Variants in ANKFN1 observed in about 807,000 individuals in gnomAD.
The protein encoded by ANKFN1 is ankyrin repeat and fibronectin type III domain containing 1.
ANKFN1 carries 74 observed loss-of-function variants against 108.7 expected under a neutral mutation model. That is an observed-to-expected ratio of 0.68 (90% CI 0.56 to 0.83). The LOEUF is 0.83. Ranked by LOEUF, ANKFN1 falls within the 40% of genes least tolerant of loss-of-function variation. The probability of loss-of-function intolerance (pLI) is 0.00; values close to 1 mark genes in which losing one functional copy is unlikely to be tolerated. For missense variants in ANKFN1, 1,505 were observed against 1,382.3 expected, an observed-to-expected ratio of 1.09 and a Z score of -1.41; for synonymous variants, 547 against 516.2, an observed-to-expected ratio of 1.06 and a Z score of -0.81.
At chr17:56,429,248 C>A (rs1567994770) in intron 8 of ANKFN1, among the ~76,000 whole-genome samples, 2 of 152,114 alleles carry the variant, frequency 1.3e-5, no homozygotes, top group Non-Finnish European at 2.9e-5. Context: ...AAATCACTTA[C>A]TAAGTTTGAG....
At chr17:56,261,007 C>T (rs1173809164) in intron 3 of ANKFN1, among the ~76,000 whole-genome samples, 2 of 152,202 alleles carry the variant, frequency 1.3e-5, no homozygotes, top group Non-Finnish European at 2.9e-5. Flanking sequence ...GAACAGAGAT[C>T]GGAATCTGTC....
At chr17:56,350,540 T>C (rs1031395126) in intron 4 of ANKFN1, among the ~76,000 whole-genome samples, 1 of 152,146 alleles carries the variant, frequency 6.6e-6, no homozygotes, top group African/African-American at 2.4e-5. Flanking sequence ...TGTCGTTTCA[T>C]TCCTGCCACC....
At chr17:56,272,638 G>A (rs1225384806) in intron 3 of ANKFN1, among the ~76,000 whole-genome samples, 1 of 152,126 alleles carries the variant, frequency 6.6e-6, no homozygotes, top group Non-Finnish European at 1.5e-5. Flanking sequence ...CTATGAAGAT[G>A]GGTTGCTATG....
intron 4 of ANKFN1, among the ~76,000 whole-genome samples, chr17:56,337,280 C>T (rs1334090179): frequency 6.6e-6 from 1 of 152,082 alleles, no homozygotes; most frequent in Non-Finnish European, 1.5e-5. Context: ...TCCTTGTTAA[C>T]CTTCTGTCTC....
intron 4 of ANKFN1, among the ~76,000 whole-genome samples, chr17:56,340,486 T>G (rs2045932356): frequency 6.6e-6 from 1 of 151,966 alleles, no homozygotes; most frequent in Admixed American, 6.6e-5. Flanking sequence ...TTTTTATATA[T>G]GATGTAAGGA....
At chr17:56,154,681 T>C (rs1273813397) in intron 1 of ANKFN1, among the ~76,000 whole-genome samples, 1 of 151,974 alleles carries the variant, frequency 6.6e-6, no homozygotes, top group Non-Finnish European at 1.5e-5. Flanking sequence ...TACTATGTAT[T>C]CAAACTTTCA....
In ANKFN1 at chr17:56,410,882, G is replaced by A. The variant is rs796125016; in HGVS notation, c.911-29445G>A. Among the ~76,000 whole-genome samples the A allele has an allele frequency of 2.6e-5, 4 of 152,292 alleles. No homozygotes were observed. The South Asian group carries it at 8.3e-4, about 32-fold the overall frequency. On this transcript the variant is annotated intron_variant, in intron 8 of 20. Transcript: ENST00000682825. ...TTTCTATTCTGTTCCTTTGGTTGAT[G>A]TGTCTGTTTTTATGACAATACTATG... is the stretch of plus-strand genomic sequence containing the variant.
intron 11 of ANKFN1, among the ~76,000 whole-genome samples, chr17:56,454,859 C>T (rs968048534): frequency 6.6e-5 from 10 of 152,184 alleles, no homozygotes; most frequent in Admixed American, 3.9e-4. Flanking sequence ...TCTCCCACTC[C>T]GGAGATGTAT....
Position 56,498,968 on chromosome 17 carries a change from C to T in ANKFN1, c.2514C>T (p.Pro838=). Residue 838 remains proline, a synonymous_variant, in exon 20 of 21, where the codon CCC becomes CCT. Coordinates refer to ENST00000682825, the MANE Select transcript of ANKFN1 (RefSeq NM_001370326.1). ...ACAAACAACCAGTTTCTGGCTTGCC[C>T]ATCACTAAGCTGATAGACCCCTCAG... ...ARYKQPVSGL[P]ITKLIDPSDE... The T allele has an allele frequency of 1.3e-6, 2 of 1,535,734 alleles. No individual in the cohort carries two copies. The highest frequency in any genetic ancestry group is 2.4e-5 in the East Asian group (1 of 40,906).
chr17:56,217,892 C>T (rs1915539703), intron 2 of ANKFN1, among the ~76,000 whole-genome samples: 1 of 152,168 alleles, frequency 6.6e-6, no homozygotes. Context: ...ATTTCTAGCA[C>T]TATTATCTCT....
At chr17:56,092,431 C>T (rs931635184) in intron 4 of ANKFN1, among the ~76,000 whole-genome samples, 3 of 150,468 alleles carry the variant, frequency 2.0e-5, no homozygotes, top group African/African-American at 4.9e-5. Context: ...CCCCCCACCA[C>T]GCCCAGCTAA....
chr17:56,287,161 A>T (rs2044240824), intron 3 of ANKFN1, among the ~76,000 whole-genome samples: 1 of 152,172 alleles, frequency 6.6e-6, no homozygotes, highest in Non-Finnish European at 1.5e-5. Flanking sequence ...ACATACCGAG[A>T]GGTAAATAAT....
intron 8 of ANKFN1, among the ~76,000 whole-genome samples, chr17:56,411,246 A>G (rs535952423): frequency 1.3e-5 from 2 of 152,234 alleles, no homozygotes; most frequent in East Asian, 1.9e-4. Context: ...ACATATTTTT[A>G]TGCTATTGTA....
At chr17:56,128,309 G>A (rs901065182) in intron 4 of ANKFN1, among the ~76,000 whole-genome samples, 1 of 152,004 alleles carries the variant, frequency 6.6e-6, no homozygotes, top group Admixed American at 6.6e-5. Flanking sequence ...ATGGAAAGAC[G>A]GGATTCTTTG....
chr17:56,238,821 A>G (rs1917358124), intron 3 of ANKFN1, among the ~76,000 whole-genome samples: 1 of 152,150 alleles, frequency 6.6e-6, no homozygotes, highest in Non-Finnish European at 1.5e-5. Context: ...AAATCTGACA[A>G]TTGCTCCCCG....
At chr17:56,210,552 C>T (rs149083064) in intron 1 of ANKFN1, among the ~76,000 whole-genome samples, 41 of 152,036 alleles carry the variant, frequency 2.7e-4, no homozygotes, top group African/African-American at 8.9e-4. Context: ...TGACAAATGT[C>T]GATTTATGTC....
chr17:56,464,748 T>A (rs1476657347), intron 14 of ANKFN1, among the ~76,000 whole-genome samples: 1 of 152,158 alleles, frequency 6.6e-6, no homozygotes, highest in Admixed American at 6.5e-5. Context: ...ATTTAATCCC[T>A]CAAACATTCA....
At chr17:56,055,813 A>G (rs1441333112) in intron 4 of ANKFN1, among the ~76,000 whole-genome samples, 1 of 151,506 alleles carries the variant, frequency 6.6e-6, no homozygotes, top group Non-Finnish European at 1.5e-5. Context: ...TGTTTTCCAT[A>G]GAGGTTGAAA....
intron 10 of ANKFN1, among the ~76,000 whole-genome samples, chr17:56,446,871 C>T (rs1217943719): frequency 2.6e-5 from 4 of 152,124 alleles, no homozygotes; most frequent in Admixed American, 6.5e-5. Flanking sequence ...CACCACTGCA[C>T]TCCAGCCTAG....
Sources: allele counts gnomAD v4.1 joint callset (sites outside exome capture counted in the v4.1 genomes callset), GRCh38; gene constraint gnomAD v4.1.1; transcripts MANE v1.5; gene names NCBI Gene and HGNC (gene_info 2026-07-23, HGNC 2026-07-21).